SNAP25: variants seen among roughly 807,000 people sequenced by gnomAD.
The protein encoded by SNAP25 is synaptosome associated protein 25.
Under a neutral mutation model 28.7 loss-of-function variants are expected in SNAP25, and 3 were observed. That is an observed-to-expected ratio of 0.10 (90% confidence interval 0.05 to 0.27). The LOEUF (loss-of-function observed/expected upper bound fraction) is 0.27. SNAP25 is among the 10% of genes least tolerant of loss of function. SNAP25 has a pLI of 1.00. For synonymous variants in SNAP25, 61 were observed against 88.1 expected (o/e 0.69, Z 1.72); for missense variants, 117 against 278.7 (o/e 0.42, Z 4.13).
intron 1 of SNAP25, among the ~76,000 whole-genome samples, chr20:10,258,596 C>G (rs1159752890): frequency 6.6e-6 from 1 of 152,188 alleles, no homozygotes; most frequent in Non-Finnish European, 1.5e-5. Context: ...CCCACAAGGT[C>G]TAATGCAAGC....
chr20:10,219,646 A>T (rs568551571), intron 1 of SNAP25: 1 of 152,182 alleles, frequency 6.6e-6, no homozygotes, highest in Non-Finnish European at 1.5e-5. Context: ...AGCAACACCG[A>T]GGGCTCGCGC....
At chr20:10,301,880 A>T (rs6032842) in intron 7 of SNAP25, among the ~76,000 whole-genome samples, 5 of 144,258 alleles carry the variant, frequency 3.5e-5, no homozygotes, top group Non-Finnish European at 7.5e-5. Flanking sequence ...TATAATATAT[A>T]ATATATATAT....
intron 1 of SNAP25, among the ~76,000 whole-genome samples, chr20:10,273,681 A>C (rs1408374999): frequency 6.6e-6 from 1 of 152,202 alleles, no homozygotes; most frequent in African/African-American, 2.4e-5. Context: ...GCCACAGAGC[A>C]CCACTTCCTT....
chr20:10,252,995 G>C (rs542289814), intron 1 of SNAP25, among the ~76,000 whole-genome samples: 1 of 152,150 alleles, frequency 6.6e-6, no homozygotes, highest in East Asian at 1.9e-4. Context: ...ATGCATTTGG[G>C]TGCTTAGCAC....
chr20:10,295,077 AG>A, intron 5 of SNAP25, among the ~76,000 whole-genome samples: 1 of 152,358 alleles, frequency 6.6e-6, no homozygotes. Flanking sequence ...TAAGCTTCAA[AG>A]CTTGACTGAG....
intron 1 of SNAP25, among the ~76,000 whole-genome samples, chr20:10,227,964 A>T (rs554488958): frequency 3.5e-4 from 54 of 152,160 alleles, no homozygotes; most frequent in Admixed American, 3.1e-3. Flanking sequence ...GCTTCCTTAA[A>T]AGTGTCCTTC....
At chr20:10,226,643 A>G (rs1174977816) in intron 1 of SNAP25, among the ~76,000 whole-genome samples, 14 of 152,134 alleles carry the variant, frequency 9.2e-5, no homozygotes, top group Non-Finnish European at 1.5e-5. Context: ...GAAAAGAGCT[A>G]TGGCTCTCTA....
chr20:10,269,254 A>G (rs2063553668), intron 1 of SNAP25, among the ~76,000 whole-genome samples: 1 of 152,096 alleles, frequency 6.6e-6, no homozygotes, highest in African/African-American at 2.4e-5. Flanking sequence ...TACTAAAAAT[A>G]CAAAACTAGC....
intron 7 of SNAP25, among the ~76,000 whole-genome samples, chr20:10,301,891 T>A (rs1028700205): frequency 5.1e-5 from 7 of 136,024 alleles, no homozygotes; most frequent in Non-Finnish European, 1.1e-4. Flanking sequence ...ATATATATAT[T>A]ATATGTATAT....
chr20:10,221,073 T>C (rs189178856), intron 1 of SNAP25, among the ~76,000 whole-genome samples: 12 of 152,324 alleles, frequency 7.9e-5, no homozygotes, highest in Admixed American at 7.8e-4. Context: ...AACAACTGTG[T>C]TTTAGTAGTG....
chr20:10,296,745 A>G (rs1454582631), intron 5 of SNAP25, 180 bp from the exon 6 acceptor site: 2 of 709,266 alleles, frequency 2.8e-6, no homozygotes, highest in East Asian at 6.0e-5. Flanking sequence ...TGAAATGTTG[A>G]GTAGCTGAGG....
chr20:10,230,224 C>T (rs992699396), intron 1 of SNAP25, among the ~76,000 whole-genome samples: 2 of 152,092 alleles, frequency 1.3e-5, no homozygotes, highest in Non-Finnish European at 2.9e-5. Flanking sequence ...TATTTCCCAT[C>T]TCACAGAATA....
chr20:10,286,662 G>C (rs1244108807), intron 4 of SNAP25, among the ~76,000 whole-genome samples: 1 of 151,998 alleles, frequency 6.6e-6, no homozygotes, highest in African/African-American at 2.4e-5. Context: ...GTCACATAAA[G>C]GCTTTCGGTT....
intron 1 of SNAP25, among the ~76,000 whole-genome samples, chr20:10,259,472 T>G (rs1211786022): frequency 6.6e-6 from 1 of 152,222 alleles, no homozygotes; most frequent in Non-Finnish European, 1.5e-5. Context: ...TCTATGACAG[T>G]CTTGTGGGTG....
Position 10,305,063 on chromosome 20 carries a change from A to G in SNAP25, c.553-1066A>G, listed in dbSNP as rs539760751. Reference sequence around the variant, plus strand: ...TAAGTCTCATCAATTTTAACTTTTCATAGTAGATTTATATGTATTTTATGA... The same window carrying G: ...TAAGTCTCATCAATTTTAACTTTTCGTAGTAGATTTATATGTATTTTATGA... On this transcript the variant is annotated intron_variant, in intron 7 of 7. Coordinates refer to ENST00000254976, the MANE Select transcript of SNAP25 (RefSeq NM_130811.4). Among the ~76,000 whole-genome samples, 4 of 152,322 alleles carry G rather than the reference A, an allele frequency of 2.6e-5. No individual in the cohort carries two copies. The South Asian group carries it at 6.2e-4, about 24-fold the overall frequency.
At chr20:10,226,893 C>T (rs2062742897) in intron 1 of SNAP25, among the ~76,000 whole-genome samples, 1 of 152,044 alleles carries the variant, frequency 6.6e-6, no homozygotes, top group Non-Finnish European at 1.5e-5. Flanking sequence ...TGGGATCTCT[C>T]CCTGTAGAGA....
chr20:10,224,269 T>A, intron 1 of SNAP25, among the ~76,000 whole-genome samples: 1 of 121,208 alleles, frequency 8.3e-6, no homozygotes, highest in Non-Finnish European at 1.8e-5. Flanking sequence ...TTTTTTTTTT[T>A]TTTTTTTTTT....
chr20:10,224,135 GC>G (rs938012730), intron 1 of SNAP25, among the ~76,000 whole-genome samples: 1 of 151,920 alleles, frequency 6.6e-6, no homozygotes, highest in Non-Finnish European at 1.5e-5. Context: ...GCAGAGCAGA[GC>G]CAAGACTTAA....
intron 4 of SNAP25, chr20:10,292,732 GC>G (rs2064025545): frequency 1.7e-6 from 1 of 586,518 alleles, no homozygotes; most frequent in African/African-American, 1.9e-5. Context: ...CCTGTGTAGG[GC>G]AGCGGTAGCA....
Sources: allele counts gnomAD v4.1 joint callset (sites outside exome capture counted in the v4.1 genomes callset), GRCh38; gene constraint gnomAD v4.1.1; transcripts MANE v1.5; gene names NCBI Gene and HGNC (gene_info 2026-07-23, HGNC 2026-07-21).